The following PCSK2 variants were observed in gnomAD, a reference collection of about 807,000 sequenced individuals.
PCSK2 encodes the protein proprotein convertase subtilisin/kexin type 2, also known as neuroendocrine convertase 2.
A neutral mutation model predicts 69.7 loss-of-function variants in PCSK2; 14 were observed. That is an observed-to-expected ratio of 0.20 (90% CI 0.13 to 0.31). The LOEUF (loss-of-function observed/expected upper bound fraction) is 0.31. Among genes scored for constraint, PCSK2 ranks in the 10% least tolerant of loss-of-function variants. The pLI, the probability that PCSK2 is intolerant of heterozygous loss-of-function variation, is 1.00. For synonymous variants in PCSK2, 307 were observed against 320.7 expected (o/e 0.96, Z 0.46); for missense variants, 544 against 842.5 (o/e 0.65, Z 4.39).
At chr20:17,276,948 T>C (rs1200524596) in intron 2 of PCSK2, among the ~76,000 whole-genome samples, 1 of 152,138 alleles carries the variant, frequency 6.6e-6, no homozygotes, top group Non-Finnish European at 1.5e-5. Flanking sequence ...AGCCAAATCA[T>C]GAGTGAACTC....
intron 4 of PCSK2, among the ~76,000 whole-genome samples, chr20:17,367,963 A>G (rs6131942): frequency 0.52 from 79,829 of 152,076 alleles, 22,792 homozygotes; most frequent in East Asian, 0.78. Flanking sequence ...AAACTATAGA[A>G]AGCAGCCATA....
chr20:17,236,839 C>T (rs575449396), intron 1 of PCSK2, among the ~76,000 whole-genome samples: 1 of 152,042 alleles, frequency 6.6e-6, no homozygotes, highest in African/African-American at 2.4e-5. Flanking sequence ...GTGATAATAT[C>T]CACTTAGGAA....
chr20:17,269,976 TC>T, intron 2 of PCSK2, among the ~76,000 whole-genome samples: 1 of 152,274 alleles, frequency 6.6e-6, no homozygotes, highest in Non-Finnish European at 1.5e-5. Context: ...TAAAAGAATT[TC>T]CTGTTAAGAT....
At chr20:17,428,860 C>T (rs7265594) in intron 6 of PCSK2, among the ~76,000 whole-genome samples, 17,230 of 151,154 alleles carry the variant, frequency 0.11, 1,379 homozygotes, top group Middle Eastern at 0.23. Flanking sequence ...ATTAGCCAGG[C>T]GTGGTGCACA....
chr20:17,258,608 T>G (rs190353626), intron 1 of PCSK2, among the ~76,000 whole-genome samples: 2 of 152,280 alleles, frequency 1.3e-5, no homozygotes, highest in South Asian at 2.1e-4. Flanking sequence ...TGAAGTAATA[T>G]GTACCATAAA....
intron 2 of PCSK2, among the ~76,000 whole-genome samples, chr20:17,294,497 CTT>C (rs1254473343): frequency 6.6e-6 from 1 of 152,200 alleles, no homozygotes; most frequent in Non-Finnish European, 1.5e-5. Context: ...ACCAACTTTA[CTT>C]TATTTCTCCT....
chr20:17,448,411 A>G (rs2032740072), intron 8 of PCSK2, among the ~76,000 whole-genome samples: 1 of 152,232 alleles, frequency 6.6e-6, no homozygotes, highest in Admixed American at 6.5e-5. Context: ...GACGGTAAGC[A>G]ATTTGTAACA....
At position 17,453,547 on chromosome 20, in the gene PCSK2, A is replaced by C. The variant is rs2032864934; in HGVS notation, c.886-195A>C. Among the ~76,000 whole-genome samples, 1 of 152,152 alleles carries C rather than the reference A, an allele frequency of 6.6e-6. No homozygotes were observed. The highest frequency in any genetic ancestry group is 1.5e-5 in the Non-Finnish European group (1 of 68,020). ...TTGTAAATTCAGTTGACTTTTTTAG[A>C]TTGAATTCTTCCTGGAAAAAAAAAG... On this transcript the variant is annotated intron_variant, in intron 8 of 11. Transcript: ENST00000262545. The surrounding 1 kb of genome is among the most constrained non-coding windows in gnomAD (Gnocchi z 4.0).
At chr20:17,366,473 C>A (rs561147147) in intron 4 of PCSK2, among the ~76,000 whole-genome samples, 41 of 152,134 alleles carry the variant, frequency 2.7e-4, no homozygotes, top group Non-Finnish European at 4.1e-4. Context: ...TTTTCCAGGA[C>A]CGACACTGTG....
intron 2 of PCSK2, among the ~76,000 whole-genome samples, chr20:17,314,511 A>G (rs1278284998): frequency 1.3e-5 from 2 of 152,234 alleles, no homozygotes; most frequent in Non-Finnish European, 2.9e-5. Flanking sequence ...TGAATAGCTT[A>G]CAGTTACTGC....
intron 10 of PCSK2, among the ~76,000 whole-genome samples, chr20:17,457,839 CA>C (rs2032949133): frequency 6.6e-6 from 1 of 152,212 alleles, no homozygotes; most frequent in South Asian, 2.1e-4. Flanking sequence ...GTTGCCCTTT[CA>C]ACCTCAGAAG....
chr20:17,230,545 C>T (rs1209945107), intron 1 of PCSK2, among the ~76,000 whole-genome samples: 5 of 152,204 alleles, frequency 3.3e-5, no homozygotes, highest in Non-Finnish European at 5.9e-5. Context: ...CTGCCAAGAA[C>T]TCTTCCCTTG....
chr20:17,327,062 C>T (rs1164823849), intron 2 of PCSK2, among the ~76,000 whole-genome samples: 2 of 152,182 alleles, frequency 1.3e-5, no homozygotes, highest in African/African-American at 4.8e-5. Flanking sequence ...AATTCTAGAC[C>T]CAACTCCAAG....
chr20:17,347,860 G>GA (rs1349784104), intron 2 of PCSK2, among the ~76,000 whole-genome samples: 2 of 88,512 alleles, frequency 2.3e-5, no homozygotes, highest in African/African-American at 8.7e-5. Flanking sequence ...AAGAAAGAAA[G>GA]AGGAGAGAGA....
At chr20:17,438,774 CGAT>C (rs1405631856) in intron 8 of PCSK2, among the ~76,000 whole-genome samples, 3 of 152,330 alleles carry the variant, frequency 2.0e-5, no homozygotes, top group Non-Finnish European at 1.5e-5. Context: ...AGCCCACAGC[CGAT>C]GACTAAGGCA....
chr20:17,266,305 G>A (rs1236584423), intron 2 of PCSK2, among the ~76,000 whole-genome samples: 3 of 152,176 alleles, frequency 2.0e-5, no homozygotes, highest in Non-Finnish European at 2.9e-5. Flanking sequence ...ACCTTTCTGG[G>A]GGTGAGCCTG....
intron 1 of PCSK2, among the ~76,000 whole-genome samples, chr20:17,244,691 T>C (rs1176352333): frequency 6.6e-6 from 1 of 152,174 alleles, no homozygotes; most frequent in Non-Finnish European, 1.5e-5. Context: ...TTCTTCACAA[T>C]GGTTACTCAA....
rs553140837 is a variant in PCSK2, at chr20:17,436,044, C to T, written c.710-664C>T. The stretch of plus-strand genomic sequence containing the variant: ...AACATTCTGTGAGAAATCACTCCCA[C>T]GAGGCATCAGAGAGGAACACAAACT... On this transcript the variant is annotated intron_variant, in intron 7 of 11. Coordinates refer to ENST00000262545, the MANE Select transcript of PCSK2 (RefSeq NM_002594.5). 3.9e-5 allele frequency among the ~76,000 whole-genome samples: 6 copies of T among 152,300 alleles called. No homozygotes were observed. The East Asian group carries it at 7.7e-4, about 20-fold the overall frequency.
At chr20:17,343,163 G>GA (rs1195527009) in intron 2 of PCSK2, among the ~76,000 whole-genome samples, 3 of 152,146 alleles carry the variant, frequency 2.0e-5, no homozygotes, top group Non-Finnish European at 4.4e-5. Flanking sequence ...TATTGCATGA[G>GA]AAAAAATACA....
Sources: allele counts gnomAD v4.1 joint callset (sites outside exome capture counted in the v4.1 genomes callset), GRCh38; gene constraint gnomAD v4.1.1; non-coding constraint Gnocchi (gnomAD v3.1); transcripts MANE v1.5; gene names NCBI Gene and HGNC (gene_info 2026-07-23, HGNC 2026-07-21).